The following ARHGAP15 variants were observed in gnomAD, a reference collection of about 807,000 sequenced individuals.
ARHGAP15 encodes Rho GTPase activating protein 15.
A neutral mutation model predicts 63.7 loss-of-function variants in ARHGAP15; 51 were observed. That is an observed-to-expected ratio of 0.80 (90% CI 0.64 to 1.01). The LOEUF (loss-of-function observed/expected upper bound fraction) is 1.01. ARHGAP15 is among the 50% of genes least tolerant of loss of function. The pLI is 0.00. For synonymous variants in ARHGAP15, 191 were observed against 193.8 expected (o/e 0.99, Z 0.12); for missense variants, 560 against 564.6 (o/e 0.99, Z 0.08).
rs118121088 is a variant in ARHGAP15, at chr2:143,358,460, T to C, written c.475-77141T>C. ...CCAAAACCAATCATTAAAAGCCACA[T>C]TTAATATGACATTATGCAAAAATAT... On this transcript the variant is annotated intron_variant, in intron 6 of 13. Transcript: ENST00000295095. 4.0e-3 allele frequency among the ~76,000 whole-genome samples: 602 copies of C among 152,062 alleles called. 13 individuals carry two copies. The highest frequency in any genetic ancestry group is 0.034 in the East Asian group (173 of 5,152).
intron 6 of ARHGAP15, among the ~76,000 whole-genome samples, chr2:143,346,168 ACACACTCT>A (rs879675660): frequency 0.016 from 1,825 of 112,934 alleles, 36 homozygotes; most frequent in African/African-American, 0.067. Flanking sequence ...ACACACACAC[ACACACTCT>A]CTCTCTCACA....
At chr2:143,728,376 C>G (rs796540731) in intron 13 of ARHGAP15, among the ~76,000 whole-genome samples, 3 of 152,114 alleles carry the variant, frequency 2.0e-5, no homozygotes, top group African/African-American at 7.2e-5. Flanking sequence ...TCTCCAAATG[C>G]AGTCACATTC....
At chr2:143,549,203 T>C (rs1695457943) in intron 10 of ARHGAP15, among the ~76,000 whole-genome samples, 1 of 152,182 alleles carries the variant, frequency 6.6e-6, no homozygotes, top group Non-Finnish European at 1.5e-5. Flanking sequence ...AAGTTCTTTT[T>C]TATGAAAAAC....
intron 13 of ARHGAP15, among the ~76,000 whole-genome samples, chr2:143,763,206 T>A (rs1018008037): frequency 6.6e-6 from 1 of 152,144 alleles, no homozygotes; most frequent in Non-Finnish European, 1.5e-5. Flanking sequence ...AGACATATAA[T>A]AATATAATTT....
intron 12 of ARHGAP15, among the ~76,000 whole-genome samples, chr2:143,645,693 A>C (rs1019434034): frequency 6.6e-6 from 1 of 152,102 alleles, no homozygotes; most frequent in African/African-American, 2.4e-5. Flanking sequence ...AGATCAAATA[A>C]CTCTTGTCTG....
intron 10 of ARHGAP15, among the ~76,000 whole-genome samples, chr2:143,549,035 G>A (rs1019025901): frequency 2.6e-5 from 4 of 152,092 alleles, no homozygotes; most frequent in Admixed American, 1.3e-4. Context: ...CTGAAACCCT[G>A]TATCAACCTA....
chr2:143,330,043 G>A lies in ARHGAP15; in HGVS notation c.474+79443G>A, dbSNP rs1174832848. Among the ~76,000 whole-genome samples the A allele has an allele frequency of 2.5e-5, 3 of 120,114 alleles. No individual in the cohort carries two copies. The Admixed American group carries it at 3.0e-4, about 12-fold the overall frequency. The allele number at this position is 120,114 out of a possible 152,430, so 78.8% of individuals were successfully genotyped here. On this transcript the variant is annotated intron_variant, in intron 6 of 13. Coordinates refer to ENST00000295095, the MANE Select transcript of ARHGAP15 (RefSeq NM_018460.4). The stretch of plus-strand genomic sequence containing the variant: ...GGAGGCAGAGGTTGCAGTGAGCCTA[G>A]ATTGCACCACTACACTCCAGCAGCC...
intron 12 of ARHGAP15, among the ~76,000 whole-genome samples, chr2:143,693,929 T>C (rs1683726309): frequency 1.3e-5 from 2 of 152,236 alleles, no homozygotes; most frequent in Admixed American, 1.3e-4. Flanking sequence ...AAATTTTGTC[T>C]GATCTACTGG....
At chr2:143,407,996 T>C (rs1688278498) in intron 6 of ARHGAP15, among the ~76,000 whole-genome samples, 1 of 63,708 alleles carries the variant, frequency 1.6e-5, no homozygotes, top group Non-Finnish European at 2.9e-5. Flanking sequence ...TGTATATATA[T>C]ATATATATAT....
chr2:143,599,740 A>G (rs892049614), intron 11 of ARHGAP15, among the ~76,000 whole-genome samples: 1 of 152,144 alleles, frequency 6.6e-6, no homozygotes, highest in Non-Finnish European at 1.5e-5. Context: ...TTCTAGTCTA[A>G]TCTATGCTTG....
chr2:143,267,911 GATA>G (rs1389184018), intron 6 of ARHGAP15, among the ~76,000 whole-genome samples: 1 of 152,026 alleles, frequency 6.6e-6, no homozygotes, highest in East Asian at 1.9e-4. Flanking sequence ...ATACTAAAGT[GATA>G]ATATTAGAAT....
At chr2:143,698,435 A>T (rs1683944257) in intron 12 of ARHGAP15, among the ~76,000 whole-genome samples, 1 of 152,224 alleles carries the variant, frequency 6.6e-6, no homozygotes. Flanking sequence ...ATAAAGCCAC[A>T]TTCTTATCAT....
At chr2:143,164,099 G>T (rs1474874243) in intron 2 of ARHGAP15, among the ~76,000 whole-genome samples, 1 of 152,006 alleles carries the variant, frequency 6.6e-6, no homozygotes, top group African/African-American at 2.4e-5. Context: ...TGCCTTCAGT[G>T]TGCAAGGCTT....
At chr2:143,256,300 C>A (rs887415336) in intron 6 of ARHGAP15, among the ~76,000 whole-genome samples, 1 of 152,098 alleles carries the variant, frequency 6.6e-6, no homozygotes, top group African/African-American at 2.4e-5. Flanking sequence ...AGGTAAATAT[C>A]TGTGAAATGT....
intron 12 of ARHGAP15, among the ~76,000 whole-genome samples, chr2:143,642,994 A>ATCACAGAACTTT (rs1194394723): frequency 6.6e-6 from 1 of 152,156 alleles, no homozygotes; most frequent in Admixed American, 6.6e-5. Flanking sequence ...CCTCCTGCCT[A>ATCACAGAACTTT]TCACAGAACT....
At chr2:143,521,287 T>C (rs933256055) in intron 10 of ARHGAP15, among the ~76,000 whole-genome samples, 2 of 152,184 alleles carry the variant, frequency 1.3e-5, no homozygotes, top group African/African-American at 2.4e-5. Context: ...CAGTAAAAAC[T>C]AAGAAGCACA....
intron 11 of ARHGAP15, among the ~76,000 whole-genome samples, chr2:143,601,225 T>C (rs1361250492): frequency 6.6e-6 from 1 of 152,176 alleles, no homozygotes; most frequent in Non-Finnish European, 1.5e-5. Flanking sequence ...TGTGGTAGTC[T>C]CTATATTTAT....
chr2:143,247,074 T>A (rs1479928865), intron 5 of ARHGAP15, among the ~76,000 whole-genome samples: 1 of 152,174 alleles, frequency 6.6e-6, no homozygotes, highest in Non-Finnish European at 1.5e-5. Context: ...CCTGAATGTG[T>A]GTTTCAAGCT....
chr2:143,416,542 T>C (rs911251423), intron 6 of ARHGAP15, among the ~76,000 whole-genome samples: 6 of 152,180 alleles, frequency 3.9e-5, no homozygotes, highest in African/African-American at 1.4e-4. Flanking sequence ...TGCCTGGATT[T>C]TGTTGTTGTT....
Sources: allele counts gnomAD v4.1 joint callset (sites outside exome capture counted in the v4.1 genomes callset), GRCh38; gene constraint gnomAD v4.1.1; transcripts MANE v1.5; gene names NCBI Gene and HGNC (gene_info 2026-07-23, HGNC 2026-07-21).